The following ARB2A variants were observed in gnomAD, a reference collection of about 807,000 sequenced individuals.
The protein encoded by ARB2A is ARB2 cotranscriptional regulator A.
At chr5:93,858,135 G>A in the ARB2A span, among the ~76,000 whole-genome samples, 1 of 152,304 alleles carries the variant, frequency 6.6e-6, no homozygotes, top group East Asian at 1.9e-4. Flanking sequence ...AGTCACACAA[G>A]ATGTGCGTAA....
chr5:93,987,083 A>G, the ARB2A span, among the ~76,000 whole-genome samples: 3 of 152,196 alleles, frequency 2.0e-5, no homozygotes, highest in Non-Finnish European at 4.4e-5. Context: ...TATTAAAATT[A>G]AATATACACA....
At chr5:93,620,272 C>G in the ARB2A span, 1 of 152,128 alleles carries the variant, frequency 6.6e-6, no homozygotes, top group African/African-American at 2.4e-5. Context: ...CTTGTGTAAA[C>G]TCTCACAATT....
the ARB2A span, chr5:93,958,759 C>A: frequency 6.8e-7 from 1 of 1,464,492 alleles, no homozygotes; most frequent in South Asian, 1.6e-5. Context: ...AAAAAAAAAC[C>A]CAGGAAATTG....
the ARB2A span, among the ~76,000 whole-genome samples, chr5:93,999,622 T>C: frequency 6.6e-6 from 1 of 151,814 alleles, no homozygotes; most frequent in African/African-American, 2.4e-5. Flanking sequence ...ATCAACAGCC[T>C]CCTCCAGAGT....
chr5:93,718,523 A>T, the ARB2A span, among the ~76,000 whole-genome samples: 1 of 152,154 alleles, frequency 6.6e-6, no homozygotes, highest in African/African-American at 2.4e-5. Flanking sequence ...GAAAAAATAT[A>T]TCAAGGCATA....
At chr5:93,902,232 C>A in the ARB2A span, among the ~76,000 whole-genome samples, 5 of 151,932 alleles carry the variant, frequency 3.3e-5, no homozygotes, top group African/African-American at 1.2e-4. Context: ...TTCCTATAAA[C>A]CATATGCATA....
At chr5:93,644,643 G>C in the ARB2A span, among the ~76,000 whole-genome samples, 1 of 152,118 alleles carries the variant, frequency 6.6e-6, no homozygotes, top group Non-Finnish European at 1.5e-5. Context: ...TTAAATTTCT[G>C]CAGGGGTTTC....
chr5:93,990,620 TAAAAAAAAAAAAAAAAAA>T, the ARB2A span, among the ~76,000 whole-genome samples: 2 of 75,250 alleles, frequency 2.7e-5, no homozygotes, highest in Non-Finnish European at 4.6e-5. Flanking sequence ...CTACCATGAG[TAAAAAAAAAAAAAAAAAA>T]AAAAAAAAAT....
chr5:93,920,034 G>A, the ARB2A span, among the ~76,000 whole-genome samples: 1 of 151,858 alleles, frequency 6.6e-6, no homozygotes, highest in Non-Finnish European at 1.5e-5. Context: ...TATAGTATAC[G>A]ATCTGTAATA....
chr5:94,009,839 C>A, the ARB2A span, among the ~76,000 whole-genome samples: 1 of 150,878 alleles, frequency 6.6e-6, no homozygotes, highest in Non-Finnish European at 1.5e-5. Context: ...TCATAAAATT[C>A]TCTACTATTG....
chr5:94,043,364 G>C, the ARB2A span, among the ~76,000 whole-genome samples: 1 of 152,192 alleles, frequency 6.6e-6, no homozygotes, highest in African/African-American at 2.4e-5. Flanking sequence ...GTATACTCCT[G>C]TGAACAAAAT....
chr5:93,830,311 G>A, the ARB2A span, among the ~76,000 whole-genome samples: 417 of 82,078 alleles, frequency 5.1e-3, 1 homozygote, highest in African/African-American at 0.021. Context: ...GTGTGTGTGT[G>A]TATATATATA....
At chr5:93,857,127 G>A in the ARB2A span, among the ~76,000 whole-genome samples, 2 of 152,270 alleles carry the variant, frequency 1.3e-5, no homozygotes, top group East Asian at 3.9e-4. Flanking sequence ...GCTGCTGTCT[G>A]ATCGTTCCTC....
At chr5:93,831,052 T>C in the ARB2A span, among the ~76,000 whole-genome samples, 51 of 152,224 alleles carry the variant, frequency 3.4e-4, 1 homozygote, top group Admixed American at 6.5e-5. Flanking sequence ...AATCTAATAC[T>C]GCAGCTGATC....
At chr5:93,991,215 T>A in the ARB2A span, among the ~76,000 whole-genome samples, 1 of 152,090 alleles carries the variant, frequency 6.6e-6, no homozygotes, top group African/African-American at 2.4e-5. Flanking sequence ...GGAATACTCA[T>A]ATTCAGTAGT....
chr5:93,722,133 T>A, the ARB2A span, among the ~76,000 whole-genome samples: 1 of 152,016 alleles, frequency 6.6e-6, no homozygotes, highest in Non-Finnish European at 1.5e-5. Flanking sequence ...CCACCAGTGG[T>A]GTGTGTATAA....
At chr5:93,774,992 T>C in the ARB2A span, among the ~76,000 whole-genome samples, 1 of 152,122 alleles carries the variant, frequency 6.6e-6, no homozygotes, top group Non-Finnish European at 1.5e-5. Context: ...ATCAATTGTA[T>C]AATATTTAGG....
chr5:93,858,486 T>C, the ARB2A span, among the ~76,000 whole-genome samples: 16 of 152,226 alleles, frequency 1.1e-4, no homozygotes, highest in Admixed American at 2.0e-4. Flanking sequence ...TTCTTAATTG[T>C]CATTACAATC....
chr5:93,806,055 A>T, the ARB2A span: 995 of 535,506 alleles, frequency 1.9e-3, 1 homozygote, highest in Admixed American at 2.6e-3. Flanking sequence ...ACCAGAGACA[A>T]GTAAATTATG....
Sources: gnomAD v4.1 joint callset for allele counts (sites outside exome capture counted in the v4.1 genomes callset) on GRCh38, gnomAD v4.1.1 for gene constraint, MANE v1.5 for transcripts, NCBI Gene and HGNC (gene_info 2026-07-23, HGNC 2026-07-21) for gene names.